C1orf21: variants seen among roughly 807,000 people sequenced by gnomAD.
C1orf21 encodes chromosome 1 open reading frame 21.
A neutral mutation model predicts 18.7 loss-of-function variants in C1orf21; 3 were observed. The ratio of observed to expected loss-of-function variants is 0.16; its 90% CI spans 0.07 to 0.42. The LOEUF is 0.42. C1orf21 is among the 10% of genes least tolerant of loss of function. C1orf21 has a pLI of 0.99. For missense variants in C1orf21, 104 were observed against 143.6 expected, an observed-to-expected ratio of 0.72 and a Z score of 1.41; for synonymous variants, 41 against 46.4, an observed-to-expected ratio of 0.88 and a Z score of 0.47.
chr1:184,619,071 T>A (rs1020511707), intron 5 of C1orf21, among the ~76,000 whole-genome samples: 1 of 152,242 alleles, frequency 6.6e-6, no homozygotes, highest in Non-Finnish European at 1.5e-5. Context: ...TTTTTTGTAA[T>A]CCGTTTTAGA....
intron 1 of C1orf21, among the ~76,000 whole-genome samples, chr1:184,431,886 A>G (rs1349572595): frequency 6.6e-6 from 1 of 152,238 alleles, no homozygotes; most frequent in Non-Finnish European, 1.5e-5. Flanking sequence ...ACACTTCTCA[A>G]AAGAAGACAT....
At chr1:184,569,845 A>C (rs187087049) in intron 3 of C1orf21, among the ~76,000 whole-genome samples, 2 of 152,366 alleles carry the variant, frequency 1.3e-5, no homozygotes, top group Admixed American at 1.3e-4. Context: ...GTTCAGGAAG[A>C]GGTCACTGTG....
intron 1 of C1orf21, among the ~76,000 whole-genome samples, chr1:184,411,066 C>G (rs1176472685): frequency 6.6e-6 from 1 of 151,964 alleles, no homozygotes; most frequent in African/African-American, 2.4e-5. Context: ...GGAGAAAATG[C>G]CTTACTGCTA....
chr1:184,416,362 A>C (rs914669751), intron 1 of C1orf21, among the ~76,000 whole-genome samples: 5 of 152,176 alleles, frequency 3.3e-5, no homozygotes, highest in Non-Finnish European at 7.3e-5. Context: ...TATGAAAATT[A>C]ATCAAAATGT....
intron 4 of C1orf21, among the ~76,000 whole-genome samples, chr1:184,597,529 C>T (rs1402149512): frequency 6.6e-6 from 1 of 151,992 alleles, no homozygotes; most frequent in Non-Finnish European, 1.5e-5. Context: ...TCAGACAGGA[C>T]AACCAGTAGG....
At chr1:184,489,058 T>A (rs532756095) in intron 2 of C1orf21, among the ~76,000 whole-genome samples, 1 of 152,332 alleles carries the variant, frequency 6.6e-6, no homozygotes, top group South Asian at 2.1e-4. Flanking sequence ...TTTCTCTTAA[T>A]GCTACAAAAC....
At chr1:184,410,221 T>G (rs1656310264) in intron 1 of C1orf21, among the ~76,000 whole-genome samples, 1 of 152,184 alleles carries the variant, frequency 6.6e-6, no homozygotes, top group African/African-American at 2.4e-5. Flanking sequence ...TATATCTGTG[T>G]CTGGGTAGGT....
intron 3 of C1orf21, among the ~76,000 whole-genome samples, chr1:184,517,485 AT>A (rs1263433869): frequency 3.9e-5 from 6 of 152,206 alleles, no homozygotes; most frequent in African/African-American, 1.4e-4. Context: ...AATAGCCCCA[AT>A]TTCCCAAGCC....
intron 2 of C1orf21, among the ~76,000 whole-genome samples, chr1:184,485,092 C>T (rs909184883): frequency 5.3e-5 from 8 of 151,972 alleles, no homozygotes; most frequent in South Asian, 4.1e-4. Flanking sequence ...TTGCATTCAG[C>T]GAAGATGGAT....
intron 3 of C1orf21, chr1:184,542,436 A>G (rs1658668770): frequency 1.3e-5 from 2 of 152,178 alleles, no homozygotes; most frequent in South Asian, 2.1e-4. Context: ...GAATGACCCA[A>G]TCGTAGTTCA....
intron 5 of C1orf21, among the ~76,000 whole-genome samples, chr1:184,600,236 A>G (rs1448389475): frequency 1.3e-5 from 2 of 151,762 alleles, no homozygotes; most frequent in African/African-American, 4.8e-5. Flanking sequence ...GTGCAATCTC[A>G]GCTCACTCTG....
At chr1:184,445,336 T>C (rs1657011598) in intron 1 of C1orf21, among the ~76,000 whole-genome samples, 1 of 131,452 alleles carries the variant, frequency 7.6e-6, no homozygotes, top group South Asian at 2.3e-4. Flanking sequence ...CACGCCCTTT[T>C]TTCAGACCTC....
chr1:184,447,410 A>G (rs1034172409), intron 1 of C1orf21, among the ~76,000 whole-genome samples: 1 of 152,160 alleles, frequency 6.6e-6, no homozygotes. Flanking sequence ...ATCACGTTTC[A>G]TGGCTTTTTC....
At chr1:184,566,790 C>A in intron 3 of C1orf21, 1 of 437,980 alleles carries the variant, frequency 2.3e-6, no homozygotes. Context: ...GCTCTGGAGG[C>A]TGAGCTATGA....
chr1:184,469,644 A>G (rs550916970), intron 1 of C1orf21, among the ~76,000 whole-genome samples: 1 of 152,224 alleles, frequency 6.6e-6, no homozygotes, highest in East Asian at 1.9e-4. Flanking sequence ...TCAGCAGCTC[A>G]GACTGATAGG....
intron 1 of C1orf21, among the ~76,000 whole-genome samples, chr1:184,424,566 G>A (rs1430582438): frequency 6.6e-6 from 1 of 152,150 alleles, no homozygotes; most frequent in African/African-American, 2.4e-5. Context: ...TCTAACCTTG[G>A]TAGAGAGCTG....
chr1:184,505,322 TATATATATATATATATA>T (rs1557989034), intron 2 of C1orf21, among the ~76,000 whole-genome samples: 1 of 131,606 alleles, frequency 7.6e-6, no homozygotes, highest in African/African-American at 3.3e-5. Context: ...TATATATATA[TATATATATATATATATA>T]TACACACATG....
intron 1 of C1orf21, among the ~76,000 whole-genome samples, chr1:184,409,209 C>T (rs1320398715): frequency 6.6e-6 from 1 of 152,152 alleles, no homozygotes; most frequent in African/African-American, 2.4e-5. Context: ...TTCTTCTGGT[C>T]TAGATGAGTC....
At chr1:184,410,166 T>C (rs1323581646) in intron 1 of C1orf21, among the ~76,000 whole-genome samples, 1 of 152,174 alleles carries the variant, frequency 6.6e-6, no homozygotes, top group East Asian at 1.9e-4. Flanking sequence ...TGTGAATAGC[T>C]TGTGCATCTA....
Sources: gnomAD v4.1 joint callset for allele counts (sites outside exome capture counted in the v4.1 genomes callset) on GRCh38, gnomAD v4.1.1 for gene constraint, MANE v1.5 for transcripts, NCBI Gene and HGNC (gene_info 2026-07-23, HGNC 2026-07-21) for gene names.